Variants in CCDC146 observed in about 807,000 individuals in gnomAD.
The protein encoded by CCDC146 is coiled-coil domain containing 146, also known as coiled-coil domain-containing protein 146.
A neutral mutation model predicts 119.3 loss-of-function variants in CCDC146; 92 were observed. The ratio of observed to expected loss-of-function variants is 0.77; its 90% CI spans 0.65 to 0.92. The LOEUF (loss-of-function observed/expected upper bound fraction) is 0.92, where lower values mean the gene tolerates loss of function less well. Ranked by LOEUF, CCDC146 falls within the 40% of genes least tolerant of loss-of-function variation. CCDC146 has a pLI of 0.00. For missense variants in CCDC146, 1,000 were observed against 1,103.0 expected (o/e 0.91, Z 1.32); for synonymous variants, 372 against 371.8 (o/e 1.00, Z -0.01).
chr7:77,258,521 A>G (rs1022396361), intron 6 of CCDC146, among the ~76,000 whole-genome samples: 6 of 152,186 alleles, frequency 3.9e-5, no homozygotes, highest in South Asian at 2.1e-4. Context: ...ACAGTATTCA[A>G]TATGTTATGT....
rs1791026548 is a variant in CCDC146, at chr7:77,146,729, A to C, written c.-11-20929A>C. Reference sequence around the variant, plus strand: ...AAATAATTTTCTTTAAGAATGTTGAATATTGGCCCCCACTAACTTCTGGCT... The same window carrying C: ...AAATAATTTTCTTTAAGAATGTTGACTATTGGCCCCCACTAACTTCTGGCT... On this transcript the variant is annotated intron_variant, in intron 1 of 18. Transcript: ENST00000285871. 2.0e-5 allele frequency among the ~76,000 whole-genome samples: 3 copies of C among 152,210 alleles called. No homozygotes were observed. The South Asian group carries it at 6.2e-4, about 31-fold the overall frequency.
intron 1 of CCDC146, among the ~76,000 whole-genome samples, chr7:77,155,815 T>C (rs1002558578): frequency 6.6e-6 from 1 of 152,186 alleles, no homozygotes; most frequent in African/African-American, 2.4e-5. Context: ...ATCATGTCTG[T>C]TTCTATGGCA....
In CCDC146 at chr7:77,196,523, G is replaced by T. The variant is rs993060186; in HGVS notation, c.156+28699G>T. 2 of 1,613,992 alleles carry T rather than the reference G, an allele frequency of 1.2e-6. No homozygotes were observed. The highest frequency in any genetic ancestry group is 1.7e-6 in the Non-Finnish European group (2 of 1,179,978). ...AGGATATCGATCATTGTCTTTATCT[G>T]GAGTGGTGAAAAACTTCAGATCGTG... On this transcript the variant is annotated intron_variant, in intron 2 of 18. Coordinates refer to ENST00000285871, the MANE Select transcript of CCDC146 (RefSeq NM_020879.3). This position sits in a 1 kb window ranked among gnomAD's most constrained non-coding sequence, Gnocchi z 4.2.
chr7:77,236,928 C>T lies in CCDC146; in HGVS notation c.157-19C>T. On this transcript the variant is annotated intron_variant, in intron 2 of 18. Coordinates refer to ENST00000285871, the MANE Select transcript of CCDC146 (RefSeq NM_020879.3). The stretch of plus-strand genomic sequence containing the variant: ...AAAGAGAATGGTGATTAACAGTGAC[C>T]TTATGTTCTCTTTGCTAGTTACATG... 6.3e-7 allele frequency: 1 copy of T among 1,590,578 alleles called. No individual in the cohort carries two copies. The highest frequency in any genetic ancestry group is 8.6e-7 in the Non-Finnish European group (1 of 1,158,666).
At chr7:77,242,429 AG>A in intron 4 of CCDC146, 1 of 976,706 alleles carries the variant, frequency 1.0e-6, no homozygotes, top group Non-Finnish European at 1.2e-6. Flanking sequence ...CAAGGAGAAA[AG>A]GTATATCCTT....
At chr7:77,165,016 A>C (rs1373076338) in intron 1 of CCDC146, among the ~76,000 whole-genome samples, 2 of 152,232 alleles carry the variant, frequency 1.3e-5, no homozygotes, top group Non-Finnish European at 2.9e-5. Flanking sequence ...GTGAAGATTC[A>C]TGTATTTCAG....
chr7:77,143,429 C>G (rs1289735769), intron 1 of CCDC146, among the ~76,000 whole-genome samples: 1 of 151,832 alleles, frequency 6.6e-6, no homozygotes, highest in Non-Finnish European at 1.5e-5. Flanking sequence ...AATTAGATCC[C>G]ATTTATCAAT....
intron 4 of CCDC146, among the ~76,000 whole-genome samples, chr7:77,249,465 C>T (rs577487623): frequency 3.1e-5 from 4 of 129,006 alleles, no homozygotes; most frequent in Admixed American, 2.8e-4. Flanking sequence ...TCCAGCCTGG[C>T]GACAGATTGA....
intron 2 of CCDC146, among the ~76,000 whole-genome samples, chr7:77,221,761 A>T (rs1016613397): frequency 9.9e-5 from 15 of 152,200 alleles, no homozygotes; most frequent in Non-Finnish European, 1.2e-4. Context: ...TGCATGAGAG[A>T]TGGTGGCCTG....
intron 2 of CCDC146, among the ~76,000 whole-genome samples, chr7:77,216,509 T>C (rs963590556): frequency 6.6e-6 from 1 of 152,092 alleles, no homozygotes; most frequent in Middle Eastern, 3.2e-3. Context: ...TTTGGGAATA[T>C]AGTGGTGAAA....
At chr7:77,263,678 C>A (rs1416947480) in intron 9 of CCDC146, among the ~76,000 whole-genome samples, 1 of 152,220 alleles carries the variant, frequency 6.6e-6, no homozygotes, top group East Asian at 1.9e-4. Context: ...AATCCCAGCA[C>A]TTTGGGAGGC....
chr7:77,199,761 T>C (rs1791951005), intron 2 of CCDC146: 1 of 1,614,030 alleles, frequency 6.2e-7, no homozygotes, highest in South Asian at 1.1e-5. Context: ...CAAGAACAGC[T>C]GAGCTCAGCC....
In CCDC146 at chr7:77,168,776, C is replaced by T. The variant is rs34866659; in HGVS notation, c.156+952C>T. Among the ~76,000 whole-genome samples, 211 of 152,184 alleles carry T rather than the reference C, an allele frequency of 1.4e-3. 1 individual carries two copies. Among genetic ancestry groups the T allele is most frequent in the African/African-American group, 4.9e-3 (204 of 41,546 alleles). On this transcript the variant is annotated intron_variant, in intron 2 of 18. Transcript: ENST00000285871. Reference sequence around the variant, plus strand: ...GTATCTTTAACCCAGATTTCTCAGACGCTAACATCTTACCACATTTGCTTT... The same window carrying T: ...GTATCTTTAACCCAGATTTCTCAGATGCTAACATCTTACCACATTTGCTTT...
chr7:77,223,998 T>C (rs1223926153), intron 2 of CCDC146, among the ~76,000 whole-genome samples: 3 of 152,072 alleles, frequency 2.0e-5, no homozygotes, highest in Admixed American at 6.5e-5. Context: ...AAAGGAAGAA[T>C]AGGAGTAATA....
intron 2 of CCDC146, among the ~76,000 whole-genome samples, chr7:77,201,091 T>C (rs945050947): frequency 2.0e-5 from 3 of 152,336 alleles, no homozygotes; most frequent in South Asian, 4.1e-4. Flanking sequence ...TCCATGACTG[T>C]ATTTATTCTC....
chr7:77,249,686 G>A (rs75413633), intron 4 of CCDC146, among the ~76,000 whole-genome samples: 6,007 of 151,768 alleles, frequency 0.04, 407 homozygotes, highest in African/African-American at 0.14. Context: ...TAATATATAT[G>A]TGTCTTTATA....
chr7:77,203,037 C>A (rs965337090), intron 2 of CCDC146, among the ~76,000 whole-genome samples: 3 of 143,932 alleles, frequency 2.1e-5, no homozygotes, highest in Non-Finnish European at 3.1e-5. Context: ...ACTTGCCCCC[C>A]CCCCCCCCAG....
At chr7:77,273,938 GTCCAC>G in intron 10 of CCDC146, 149 bp downstream of exon 10, 1 of 479,812 alleles carries the variant, frequency 2.1e-6, no homozygotes, top group Non-Finnish European at 3.7e-6. Context: ...TCATCTCAAA[GTCCAC>G]TCCAATCCTA....
At chr7:77,185,328 A>G (rs1791650525) in intron 2 of CCDC146, among the ~76,000 whole-genome samples, 1 of 152,224 alleles carries the variant, frequency 6.6e-6, no homozygotes, top group African/African-American at 2.4e-5. Context: ...TGGGACAGAA[A>G]TATAAGCAAA....
Sources: gnomAD v4.1 joint callset for allele counts (sites outside exome capture counted in the v4.1 genomes callset) on GRCh38, gnomAD v4.1.1 for gene constraint, Gnocchi (gnomAD v3.1) non-coding constraint, MANE v1.5 for transcripts, NCBI Gene and HGNC (gene_info 2026-07-23, HGNC 2026-07-21) for gene names.